Variants in DOCK4 observed in about 807,000 individuals in gnomAD.
DOCK4 encodes dedicator of cytokinesis 4, also known as dedicator of cytokinesis protein 4.
In DOCK4, 97 loss-of-function variants were observed where a neutral mutation model predicts 268.1. The ratio of observed to expected loss-of-function variants is 0.36; its 90% CI spans 0.31 to 0.43. DOCK4 has a LOEUF of 0.43. Ranked by LOEUF, DOCK4 falls within the 20% of genes least tolerant of loss-of-function variation. The probability of loss-of-function intolerance (pLI) is 1.00; values close to 1 mark genes in which losing one functional copy is unlikely to be tolerated. For missense variants in DOCK4, 2,145 were observed against 2,455.7 expected, an observed-to-expected ratio of 0.87 and a Z score of 2.67; for synonymous variants, 954 against 887.2, an observed-to-expected ratio of 1.08 and a Z score of -1.34.
At chr7:111,970,620 A>C (rs539473172) in intron 8 of DOCK4, among the ~76,000 whole-genome samples, 4 of 152,336 alleles carry the variant, frequency 2.6e-5, no homozygotes, top group Non-Finnish European at 5.9e-5. Flanking sequence ...TCATGTAAAA[A>C]CCTGGAAAAC....
chr7:112,138,058 C>T (rs1814531964), intron 1 of DOCK4, among the ~76,000 whole-genome samples: 1 of 152,178 alleles, frequency 6.6e-6, no homozygotes, highest in African/African-American at 2.4e-5. Context: ...GACATACTTG[C>T]TAAAACTTTT....
chr7:112,191,615 G>A (rs1269038473), intron 1 of DOCK4, among the ~76,000 whole-genome samples: 2 of 152,170 alleles, frequency 1.3e-5, no homozygotes, highest in Non-Finnish European at 2.9e-5. Flanking sequence ...ACTGCCCATA[G>A]AACCCCAAAG....
chr7:111,758,939 C>T, intron 40 of DOCK4, 149 bp from the exon 41 acceptor site: 1 of 707,692 alleles, frequency 1.4e-6, no homozygotes, highest in South Asian at 2.1e-5. Context: ...CAAGAAGACG[C>T]CAGGAACTCA....
chr7:111,862,054 A>C (rs1742435997), intron 23 of DOCK4, among the ~76,000 whole-genome samples: 1 of 152,016 alleles, frequency 6.6e-6, no homozygotes, highest in African/African-American at 2.4e-5. Context: ...TAATTCCAGC[A>C]CTTTGGGAGG....
At position 111,892,357 on chromosome 7, in the gene DOCK4, C is replaced by T. The variant is rs1041817251; in HGVS notation, c.1587+3255G>A. Reference sequence around the variant, plus strand: ...CTGGGATTACAGGCACCCATGACCACGCTGGACTAACTTTTTTGATTTTTA... The same window carrying T: ...CTGGGATTACAGGCACCCATGACCATGCTGGACTAACTTTTTTGATTTTTA... On this transcript the variant is annotated intron_variant, in intron 16 of 52. Coordinates refer to ENST00000428084, the MANE Select transcript of DOCK4 (RefSeq NM_001363540.2). Among the ~76,000 whole-genome samples, 8 of 152,142 alleles carry T rather than the reference C, an allele frequency of 5.3e-5. No individual in the cohort carries two copies. In the South Asian group the frequency reaches 1.2e-3, roughly 24 times the overall value.
At chr7:112,069,468 T>C (rs1165510370) in intron 1 of DOCK4, among the ~76,000 whole-genome samples, 3 of 152,196 alleles carry the variant, frequency 2.0e-5, no homozygotes, top group Non-Finnish European at 2.9e-5. Context: ...CTACCTCTTA[T>C]TGGAAGACTT....
At chr7:111,747,068 A>AAT in intron 43 of DOCK4, among the ~76,000 whole-genome samples, 199 bp downstream of exon 43, 1 of 152,138 alleles carries the variant, frequency 6.6e-6, no homozygotes. Flanking sequence ...TTATTATCCA[A>AAT]ATATAACATG....
intron 37 of DOCK4, 43 bp from the exon 38 acceptor site, chr7:111,767,161 T>C (rs766496477): frequency 7.4e-5 from 113 of 1,530,542 alleles, no homozygotes; most frequent in Non-Finnish European, 1.0e-4. Flanking sequence ...TCTGACAATA[T>C]CCACTTACTT....
chr7:111,911,233 T>G (rs1310493664), intron 13 of DOCK4, among the ~76,000 whole-genome samples: 1 of 152,152 alleles, frequency 6.6e-6, no homozygotes, highest in Non-Finnish European at 1.5e-5. Flanking sequence ...CAGTGTAACA[T>G]TGGGATCAGA....
intron 10 of DOCK4, among the ~76,000 whole-genome samples, chr7:111,943,917 G>A (rs184062879): frequency 7.2e-5 from 11 of 152,328 alleles, no homozygotes; most frequent in South Asian, 4.1e-4. Context: ...AAATCACCTT[G>A]CAGGACTACA....
At position 112,151,128 on chromosome 7, in the gene DOCK4, T is replaced by G. The variant is rs149861762; in HGVS notation, c.37+54974A>C. Among the ~76,000 whole-genome samples, 1,222 of 152,272 alleles carry G rather than the reference T, an allele frequency of 8.0e-3. 17 individuals are homozygous for G. Among genetic ancestry groups the G allele is most frequent in the African/African-American group, 0.028 (1,169 of 41,554 alleles). On this transcript the variant is annotated intron_variant, in intron 1 of 52. Coordinates refer to ENST00000428084, the MANE Select transcript of DOCK4 (RefSeq NM_001363540.2). The stretch of plus-strand genomic sequence containing the variant: ...GAGCCAGTTCCTAGGAGATATGATG[T>G]AATACACAGCTCTGAAGCAGTTTTA...
intron 16 of DOCK4, among the ~76,000 whole-genome samples, chr7:111,880,199 A>G (rs1233022851): frequency 6.6e-6 from 1 of 152,234 alleles, no homozygotes; most frequent in Non-Finnish European, 1.5e-5. Flanking sequence ...AAAAGAAACA[A>G]GTAACACAAT....
chr7:112,160,907 T>C (rs1296785003), intron 1 of DOCK4, among the ~76,000 whole-genome samples: 3 of 152,184 alleles, frequency 2.0e-5, no homozygotes, highest in Non-Finnish European at 4.4e-5. Context: ...CTGAGCTCTA[T>C]TAAGCAGGAC....
intron 1 of DOCK4, among the ~76,000 whole-genome samples, chr7:112,045,920 C>T (rs1339556364): frequency 1.3e-5 from 2 of 152,086 alleles, no homozygotes; most frequent in East Asian, 1.9e-4. Flanking sequence ...CGCCTCATAA[C>T]GTGAAGTTAA....
In DOCK4 at chr7:111,872,474, A is replaced by G; in HGVS notation, c.1835T>C (p.Ile612Thr). 1 of 1,592,308 alleles carries G rather than the reference A, an allele frequency of 6.3e-7. No individual in the cohort carries two copies. The highest frequency in any genetic ancestry group is 1.1e-5 in the South Asian group (1 of 87,372). ...TAATGAAATACTATATACCTTTACT[A>G]TCTCTGAGCCATCAATTTCTTTTAA... ...SKLKEIDGSE[I>T]VKFLQDTLDT... Residue 612 changes from isoleucine (I) to threonine (T), a missense_variant, in exon 18 of 53, where the codon ATA (isoleucine) becomes ACA (threonine). Physicochemically the swap from Ile to Thr is moderately conservative, Grantham distance 89. This residue lies in a region of DOCK4 where 1,598 missense variants were observed against 1,986.7 expected (regional missense o/e 0.80). Coordinates refer to ENST00000428084, the MANE Select transcript of DOCK4 (RefSeq NM_001363540.2).
At chr7:112,029,147 G>A (rs1372316421) in intron 1 of DOCK4, among the ~76,000 whole-genome samples, 1 of 152,114 alleles carries the variant, frequency 6.6e-6, no homozygotes, top group East Asian at 1.9e-4. Flanking sequence ...TTGGTTCTGT[G>A]CTCCATCACT....
Position 111,939,439 on chromosome 7 carries a change from C to T in DOCK4, c.977+671G>A, listed in dbSNP as rs1018218980. 1.0e-4 allele frequency among the ~76,000 whole-genome samples: 15 copies of T among 148,028 alleles called. 1 individual carries two copies. Among genetic ancestry groups the T allele is most frequent in the Middle Eastern group, 7.4e-3 (2 of 272 alleles). On this transcript the variant is annotated intron_variant, in intron 11 of 52. Coordinates refer to ENST00000428084, the MANE Select transcript of DOCK4 (RefSeq NM_001363540.2). ...CTGGGGCAGGAGAATGGCGTGAACC[C>T]GGGAGGCGGAGCTTGCAGTGAGCTG...
chr7:111,961,142 T>C (rs1346900910), intron 8 of DOCK4, among the ~76,000 whole-genome samples: 1 of 152,108 alleles, frequency 6.6e-6, no homozygotes, highest in Non-Finnish European at 1.5e-5. Context: ...CTGTCCTCTC[T>C]TTTGCTCTCC....
At chr7:111,842,812 C>T (rs1440126283) in intron 25 of DOCK4, among the ~76,000 whole-genome samples, 1 of 152,188 alleles carries the variant, frequency 6.6e-6, no homozygotes, top group African/African-American at 2.4e-5. Flanking sequence ...TTCCACCTCA[C>T]CCAGCAGTAA....
Sources: allele counts gnomAD v4.1 joint callset (sites outside exome capture counted in the v4.1 genomes callset), GRCh38; gene constraint gnomAD v4.1.1; regional missense constraint gnomAD v4.1.1; transcripts MANE v1.5; gene names NCBI Gene and HGNC (gene_info 2026-07-23, HGNC 2026-07-21).